CHDH: variants seen among roughly 807,000 people sequenced by gnomAD.
The protein encoded by CHDH is choline dehydrogenase.
A neutral mutation model predicts 56.9 loss-of-function variants in CHDH; 43 were observed. The observed-to-expected ratio is 0.76, with a 90% CI of 0.59 to 0.97. The LOEUF is 0.97. CHDH is among the 50% of genes least tolerant of loss of function. CHDH has a pLI of 0.00. For synonymous variants in CHDH, 364 were observed against 348.5 expected, an observed-to-expected ratio of 1.04 and a Z score of -0.50; for missense variants, 816 against 821.1, an observed-to-expected ratio of 0.99 and a Z score of 0.08.
chr3:53,845,198 C>T (rs1486248309), intron 1 of CHDH, among the ~76,000 whole-genome samples: 1 of 152,212 alleles, frequency 6.6e-6, no homozygotes. Context: ...GAGCAATTCT[C>T]TGAAAATGCT....
At chr3:53,841,939 A>C (rs1698680236) in intron 1 of CHDH, among the ~76,000 whole-genome samples, 1 of 152,142 alleles carries the variant, frequency 6.6e-6, no homozygotes, top group South Asian at 2.1e-4. Context: ...TTGAGGCCAG[A>C]AGTTCAATAT....
intron 2 of CHDH, among the ~76,000 whole-genome samples, chr3:53,829,124 T>C (rs1465353008): frequency 6.6e-6 from 1 of 152,028 alleles, no homozygotes; most frequent in Non-Finnish European, 1.5e-5. Context: ...AATGCATAAT[T>C]ACTAAACGAA....
At chr3:53,821,018 C>T (rs554163924) in intron 5 of CHDH, among the ~76,000 whole-genome samples, 11 of 152,340 alleles carry the variant, frequency 7.2e-5, no homozygotes, top group East Asian at 5.8e-4. Context: ...GCAGCCCTGT[C>T]GTGCTACACC....
chr3:53,821,602 T>C (rs1316337679), intron 5 of CHDH, 45 bp downstream of exon 5: 20 of 1,580,468 alleles, frequency 1.3e-5, no homozygotes, highest in Non-Finnish European at 1.6e-5. Context: ...AAGCCTTTTG[T>C]TGAGCAGAGA....
At position 53,823,544 on chromosome 3, in the gene CHDH, G is replaced by A. The variant is rs1292444830; in HGVS notation, c.465C>T (p.Ala155=). The change falls in exon 3 of 9, where the codon GCC becomes GCT. Residue 155 remains alanine (A), a synonymous_variant. Coordinates refer to ENST00000315251, the MANE Select transcript of CHDH (RefSeq NM_018397.5). ...GGCAGTGCGCGTAGTCCCAGCCGCG[G>A]GCGCCCTGGCGCTGCCAGCGCTCGT... ...EDYERWQRQG[A]RGWDYAHCLP... 6.5e-7 allele frequency: 1 copy of A among 1,542,268 alleles called. No homozygotes were observed. Among genetic ancestry groups the A allele is most frequent in the Non-Finnish European group, 8.7e-7 (1 of 1,146,048 alleles).
intron 1 of CHDH, among the ~76,000 whole-genome samples, chr3:53,843,948 G>C (rs1036148871): frequency 6.6e-6 from 1 of 152,214 alleles, no homozygotes; most frequent in Non-Finnish European, 1.5e-5. Flanking sequence ...CCTTCCGGCA[G>C]GCCACCTGGG....
At chr3:53,821,569 C>T in intron 5 of CHDH, 78 bp downstream of exon 5, 2 of 1,306,314 alleles carry the variant, frequency 1.5e-6, no homozygotes, top group Middle Eastern at 3.8e-4. Context: ...CTCCCCACTT[C>T]ATGCTAATAA....
Position 53,822,529 on chromosome 3 carries a change from C to G in CHDH, c.817G>C (p.Val273Leu). Residue 273 changes from valine (V) to leucine (L), a missense_variant, in exon 4 of 9, where the codon GTG becomes CTG. Coordinates refer to ENST00000315251, the MANE Select transcript of CHDH (RefSeq NM_018397.5). Reference sequence around the variant, plus strand: ...CCATTCTTGACATACTCCACGCCCACTGCACGGGTGCCCTCAAATAGCACC... The same window carrying G: ...CCATTCTTGACATACTCCACGCCCAGTGCACGGGTGCCCTCAAATAGCACC... ...SRVLFEGTRA[V>L]GVEYVKNGQS... 2.5e-6 allele frequency: 4 copies of G among 1,613,778 alleles called. No homozygotes were observed. Among genetic ancestry groups the G allele is most frequent in the Non-Finnish European group, 3.4e-6 (4 of 1,179,968 alleles).
intron 2 of CHDH, among the ~76,000 whole-genome samples, chr3:53,836,199 G>T (rs997115458): frequency 1.4e-4 from 21 of 152,250 alleles, no homozygotes; most frequent in African/African-American, 5.1e-4. Flanking sequence ...TGGTGGTCCA[G>T]GGAGTAACCC....
At chr3:53,833,267 C>T (rs1698395018) in intron 2 of CHDH, among the ~76,000 whole-genome samples, 1 of 152,228 alleles carries the variant, frequency 6.6e-6, no homozygotes, top group Non-Finnish European at 1.5e-5. Flanking sequence ...AGGTCATTTA[C>T]TCTTCCGGGT....
At chr3:53,821,902 C>T (rs1454321584) in intron 4 of CHDH, 126 bp from the exon 5 acceptor site, 9 of 1,230,818 alleles carry the variant, frequency 7.3e-6, no homozygotes, top group African/African-American at 4.5e-5. Context: ...GTGGCACACC[C>T]GGGACAGGCC....
chr3:53,828,836 G>T (rs568699567), intron 2 of CHDH, among the ~76,000 whole-genome samples: 1 of 152,264 alleles, frequency 6.6e-6, no homozygotes, highest in Admixed American at 6.5e-5. Context: ...AAGACAGTTT[G>T]GTGATTTCTT....
Position 53,813,920 on chromosome 3 carries a change from AT to A in CHDH, c.*3856del, listed in dbSNP as rs1202596564. The A allele has an allele frequency of 6.6e-6, 1 of 152,168 alleles. No homozygotes were observed. Among genetic ancestry groups the A allele is most frequent in the Non-Finnish European group, 1.5e-5 (1 of 68,020 alleles). 9.4% of individuals were successfully genotyped at this position (152,168 alleles called of 1,614,324 possible). ...TCACAAAATGTAAATGGCAGCTATG[AT>A]TTCACCGTCAACTGGCAGCGAGAAC... On this transcript the variant is annotated 3_prime_UTR_variant, in exon 9 of 9. Coordinates refer to ENST00000315251, the MANE Select transcript of CHDH (RefSeq NM_018397.5).
chr3:53,822,461 C>A, intron 4 of CHDH, 30 bp downstream of exon 4: 1 of 1,587,940 alleles, frequency 6.3e-7, no homozygotes, highest in South Asian at 1.1e-5. Context: ...CCACCCCCTT[C>A]TTCCAGGACC....
rs530025974 is a variant in CHDH at position 53,816,660 on chromosome 3, C to T, written c.*1117G>A. Reference sequence around the variant, plus strand: ...AGACCAGTATGAGAGAGTCCTTTCTCGGGCTAGCTGCTTCAGTAGGAATCA... The same window carrying T: ...AGACCAGTATGAGAGAGTCCTTTCTTGGGCTAGCTGCTTCAGTAGGAATCA... On this transcript the variant is annotated 3_prime_UTR_variant, in exon 9 of 9. Coordinates refer to ENST00000315251, the MANE Select transcript of CHDH (RefSeq NM_018397.5). The T allele has an allele frequency of 4.6e-5, 7 of 152,224 alleles. No individual in the cohort carries two copies. The highest frequency in any genetic ancestry group is 2.1e-4 in the South Asian group (1 of 4,818). 9.4% of individuals were successfully genotyped at this position (152,224 alleles called of 1,614,324 possible).
intron 2 of CHDH, among the ~76,000 whole-genome samples, chr3:53,828,166 C>G (rs1201288537): frequency 7.7e-6 from 1 of 130,012 alleles, no homozygotes; most frequent in Non-Finnish European, 1.7e-5. Context: ...TAACTAGACA[C>G]ACACACACAC....
intron 2 of CHDH, among the ~76,000 whole-genome samples, chr3:53,831,008 G>A (rs543616562): frequency 2.6e-5 from 4 of 152,266 alleles, no homozygotes; most frequent in East Asian, 1.9e-4. Context: ...TGGCCTTTCC[G>A]GACCAACCCT....
chr3:53,824,145 G>T (rs900108437), intron 2 of CHDH, 78 bp from the exon 3 acceptor site: 6 of 806,198 alleles, frequency 7.4e-6, no homozygotes, highest in African/African-American at 3.6e-5. Context: ...GCCGGGACAG[G>T]GTGCAGCAGG....
chr3:53,845,746 G>T (rs1013470943), intron 1 of CHDH, among the ~76,000 whole-genome samples: 5 of 152,194 alleles, frequency 3.3e-5, no homozygotes, highest in African/African-American at 1.2e-4. Flanking sequence ...GCTCCAAATC[G>T]CCAGTGCTGA....
Sources: gnomAD v4.1 joint callset for allele counts (sites outside exome capture counted in the v4.1 genomes callset) on GRCh38, gnomAD v4.1.1 for gene constraint, MANE v1.5 for transcripts, NCBI Gene and HGNC (gene_info 2026-07-23, HGNC 2026-07-21) for gene names.